UTP4: variants seen among roughly 807,000 people sequenced by gnomAD.
UTP4 encodes the protein U3 small nucleolar RNA-associated protein 4 homolog.
A neutral mutation model predicts 82.4 loss-of-function variants in UTP4; 45 were observed. The observed-to-expected ratio is 0.55, with a 90% confidence interval of 0.43 to 0.70. The LOEUF is 0.70. UTP4 is among the 30% of genes least tolerant of loss of function. UTP4 has a pLI of 0.00. For synonymous variants in UTP4, 348 were observed against 300.3 expected (o/e 1.16, Z -1.64); for missense variants, 819 against 858.3 (o/e 0.95, Z 0.57).
intron 15 of UTP4, chr16:69,165,991 T>C (rs972172832): frequency 3.7e-6 from 1 of 268,334 alleles, no homozygotes; most frequent in South Asian, 4.6e-5. Context: ...ACTAAAACGC[T>C]GTCTGCAGGC....
chr16:69,135,762 A>G (rs1351742215), intron 2 of UTP4, among the ~76,000 whole-genome samples: 1 of 152,160 alleles, frequency 6.6e-6, no homozygotes, highest in African/African-American at 2.4e-5. Context: ...TGGCTCACTC[A>G]TGGCTGTAAT....
rs375128162 is a variant in UTP4, at chr16:69,150,552, G to A, written c.754G>A (p.Val252Met). ...IAVADQEDSF[V>M]VGTAEGTVFH... ...AATTCCTCAGCAAGAAGACAGTTTCGTGGTGGGCACAGCCGAGGGAACAGT... is the reference window on the plus strand; with the variant it reads ...AATTCCTCAGCAAGAAGACAGTTTCATGGTGGGCACAGCCGAGGGAACAGT... The change falls in exon 7 of 17, where the codon GTG becomes ATG. Residue 252 changes from valine (V) to methionine (M), a missense_variant. Val to Met is a conservative substitution (Grantham distance 21, BLOSUM62 1). Transcript: ENST00000314423. 1.7e-5 allele frequency: 27 copies of A among 1,614,074 alleles called. No homozygotes were observed. The highest frequency in any genetic ancestry group is 2.7e-5 in the African/African-American group (2 of 74,918).
At chr16:69,136,397 T>C (rs990379911) in intron 2 of UTP4, among the ~76,000 whole-genome samples, 1 of 152,190 alleles carries the variant, frequency 6.6e-6, no homozygotes, top group East Asian at 1.9e-4. Flanking sequence ...CCGGCTACTT[T>C]TTATATTTTT....
At chr16:69,161,067 G>T (rs2152283253) in intron 13 of UTP4, among the ~76,000 whole-genome samples, 1 of 152,256 alleles carries the variant, frequency 6.6e-6, no homozygotes, top group South Asian at 2.1e-4. Flanking sequence ...AACACATCCA[G>T]GTTCTTTCTG....
chr16:69,168,798 G>C (rs1261979040), intron 16 of UTP4, 23 bp from the exon 17 acceptor site: 2 of 1,453,278 alleles, frequency 1.4e-6, no homozygotes, highest in Non-Finnish European at 1.9e-6. Context: ...AGTCCTGATA[G>C]AATAATTATC....
At position 69,143,308 on chromosome 16, in the gene UTP4, G is replaced by C. The variant is rs1437490018; in HGVS notation, c.657G>C (p.Gln219His). Residue 219 changes from glutamine to histidine, a missense_variant, in exon 6 of 17, where the codon CAG becomes CAC. By Grantham distance (24) the Gln-to-His change is conservative (BLOSUM62 0). Coordinates refer to ENST00000314423, the MANE Select transcript of UTP4 (RefSeq NM_032830.3). ...IISVDSAGKV[Q>H]FWDSATGTLV... The stretch of plus-strand genomic sequence containing the variant: ...GTGTGGACTCTGCTGGGAAGGTGCA[G>C]TTCTGGGACTCAGCCACTGGGACGC... The C allele has an allele frequency of 3.1e-6, 5 of 1,614,222 alleles. No individual in the cohort carries two copies. Among genetic ancestry groups the C allele is most frequent in the Non-Finnish European group, 3.4e-6 (4 of 1,180,030 alleles).
At chr16:69,153,916 G>A (rs1044465919) in intron 9 of UTP4, among the ~76,000 whole-genome samples, 3 of 152,122 alleles carry the variant, frequency 2.0e-5, no homozygotes, top group South Asian at 2.1e-4. Context: ...GCTGCAGGGT[G>A]TAGTCAAGGT....
Position 69,143,293 on chromosome 16 carries a change from T to A in UTP4, c.642T>A (p.Ser214=), listed in dbSNP as rs1324606283. The change falls in exon 6 of 17, where the codon TCT becomes TCA. Residue 214 remains serine (S), a synonymous_variant. Transcript: ENST00000314423. ...LSDGTIISVD[S]AGKVQFWDSA... ...ATGGCACTATCATAAGTGTGGACTC[T>A]GCTGGGAAGGTGCAGTTCTGGGACT... 6.2e-7 allele frequency: 1 copy of A among 1,614,110 alleles called. No homozygotes were observed. Among genetic ancestry groups the A allele is most frequent in the South Asian group, 1.1e-5 (1 of 91,094 alleles).
intron 14 of UTP4, among the ~76,000 whole-genome samples, chr16:69,164,566 A>G (rs1307757334): frequency 6.9e-6 from 1 of 145,556 alleles, no homozygotes; most frequent in African/African-American, 2.5e-5. Context: ...TGACTTAGAA[A>G]TTTCAGTTCT....
intron 16 of UTP4, 44 bp from the exon 17 acceptor site, chr16:69,168,777 C>A: frequency 8.1e-7 from 1 of 1,241,750 alleles, no homozygotes; most frequent in Non-Finnish European, 1.2e-6. Flanking sequence ...CAGGACTAGC[C>A]CTGGATCCTA....
intron 6 of UTP4, among the ~76,000 whole-genome samples, chr16:69,149,185 G>T (rs1399781511): frequency 1.3e-5 from 2 of 151,980 alleles, no homozygotes; most frequent in African/African-American, 4.8e-5. Flanking sequence ...TTTGAGACCA[G>T]CCTGGACAAC....
At chr16:69,150,258 C>A (rs1963224871) in intron 6 of UTP4, among the ~76,000 whole-genome samples, 1 of 152,128 alleles carries the variant, frequency 6.6e-6, no homozygotes, top group Non-Finnish European at 1.5e-5. Context: ...GGTATTTTCT[C>A]TCTCTCAATG....
intron 5 of UTP4, 147 bp from the exon 6 acceptor site, chr16:69,143,031 G>A (rs1963005970): frequency 1.3e-5 from 10 of 786,492 alleles, no homozygotes; most frequent in Non-Finnish European, 2.0e-5. Flanking sequence ...GGTTTGTTAT[G>A]TTGTTTCGTA....
At chr16:69,141,298 G>A (rs1567601817) in intron 5 of UTP4, among the ~76,000 whole-genome samples, 1 of 152,186 alleles carries the variant, frequency 6.6e-6, no homozygotes, top group Non-Finnish European at 1.5e-5. Flanking sequence ...CCATTTCTGT[G>A]TTATTCACTT....
chr16:69,145,149 CAATAAT>C lies in UTP4; in HGVS notation c.738+1776_738+1781del, dbSNP rs917951120. Among the ~76,000 whole-genome samples the C allele has an allele frequency of 5.5e-3, 836 of 151,058 alleles. 10 individuals carry two copies. Among genetic ancestry groups the C allele is most frequent in the African/African-American group, 0.018 (760 of 41,090 alleles). On this transcript the variant is annotated intron_variant, in intron 6 of 16. Transcript: ENST00000314423. ...AAAAGCAGGACTCCATCTCAAATAA[CAATAAT>C]AATAATAATAATAATGATTTCACCT...
chr16:69,154,543 T>C (rs1337684069), intron 10 of UTP4, 86 bp downstream of exon 10: 8 of 1,006,384 alleles, frequency 7.9e-6, no homozygotes, highest in Non-Finnish European at 1.3e-5. Context: ...TTACTTAGTT[T>C]GCATCATAAA....
intron 3 of UTP4, 56 bp downstream of exon 3, chr16:69,136,943 C>G (rs949234960): frequency 7.0e-6 from 10 of 1,432,932 alleles, no homozygotes; most frequent in Non-Finnish European, 9.9e-6. Flanking sequence ...CCTGCTCAGA[C>G]TTTCTTCCCT....
At chr16:69,163,419 A>G (rs560112934) in intron 14 of UTP4, among the ~76,000 whole-genome samples, 1 of 152,282 alleles carries the variant, frequency 6.6e-6, no homozygotes, top group East Asian at 1.9e-4. Flanking sequence ...AAGAATCACA[A>G]GAGGGAGGAG....
At chr16:69,147,776 AAC>A (rs1963157087) in intron 6 of UTP4, among the ~76,000 whole-genome samples, 1 of 152,184 alleles carries the variant, frequency 6.6e-6, no homozygotes, top group African/African-American at 2.4e-5. Flanking sequence ...TTGTGCATGA[AAC>A]ACAGTTTTGA....
Sources: gnomAD v4.1 joint callset for allele counts (sites outside exome capture counted in the v4.1 genomes callset) on GRCh38, gnomAD v4.1.1 for gene constraint, MANE v1.5 for transcripts, NCBI Gene and HGNC (gene_info 2026-07-23, HGNC 2026-07-21) for gene names.